Variants in TMEM74 observed in about 807,000 individuals in gnomAD.
The protein encoded by TMEM74 is transmembrane protein 74.
In TMEM74, 13 loss-of-function variants were observed where a neutral mutation model predicts 18.1. The observed-to-expected ratio is 0.72, with a 90% confidence interval of 0.47 to 1.14. The LOEUF (loss-of-function observed/expected upper bound fraction) is 1.14, where lower values mean the gene tolerates loss of function less well. Ranked by LOEUF, TMEM74 falls within the 50% of genes most tolerant of loss-of-function variation. The pLI is 0.00. For synonymous variants in TMEM74, 159 were observed against 146.6 expected (o/e 1.08, Z -0.61); for missense variants, 372 against 375.9 (o/e 0.99, Z 0.09).
intron 1 of TMEM74, among the ~76,000 whole-genome samples, chr8:108,679,765 G>C (rs1813093633): frequency 6.6e-6 from 1 of 152,100 alleles, no homozygotes; most frequent in Admixed American, 6.6e-5. Flanking sequence ...GATCCCATTT[G>C]TCAATTTTGG....
At chr8:108,663,159 TGC>T (rs1394885621) in intron 1 of TMEM74, among the ~76,000 whole-genome samples, 27 of 152,238 alleles carry the variant, frequency 1.8e-4, no homozygotes, top group Admixed American at 4.6e-4. Flanking sequence ...ACAGACAGCC[TGC>T]AGAGGAAGAG....
intron 1 of TMEM74, among the ~76,000 whole-genome samples, chr8:108,685,541 A>T (rs1405786759): frequency 3.3e-5 from 5 of 152,202 alleles, no homozygotes; most frequent in Non-Finnish European, 7.4e-5. Context: ...AAAAGGAAAA[A>T]CTTAGCAAAT....
chr8:108,764,894 C>T (rs1358451847), intron 1 of TMEM74, among the ~76,000 whole-genome samples: 6 of 152,172 alleles, frequency 3.9e-5, no homozygotes, highest in African/African-American at 1.4e-4. Context: ...TATGAACTCT[C>T]TGCCTCATTA....
At chr8:108,661,381 T>TC (rs1273022378) in intron 1 of TMEM74, among the ~76,000 whole-genome samples, 55 of 136,498 alleles carry the variant, frequency 4.0e-4, no homozygotes, top group Non-Finnish European at 7.6e-4. Flanking sequence ...TGCAGCTCTT[T>TC]TTTTTTTTTT....
At chr8:108,634,058 C>A (rs922230368) in intron 2 of TMEM74, among the ~76,000 whole-genome samples, 1 of 151,800 alleles carries the variant, frequency 6.6e-6, no homozygotes, top group Admixed American at 6.6e-5. Flanking sequence ...CAAAAGTTAC[C>A]GGCAAACTGA....
intron 1 of TMEM74, among the ~76,000 whole-genome samples, chr8:108,786,917 C>CCGCTTGTT (rs1325727360): frequency 6.6e-6 from 1 of 152,172 alleles, no homozygotes; most frequent in Non-Finnish European, 1.5e-5. Flanking sequence ...AAAGCTACTC[C>CCGCTTGTT]CGCTTGTTCG....
chr8:108,694,043 G>A (rs561996859), intron 1 of TMEM74, among the ~76,000 whole-genome samples: 1 of 152,330 alleles, frequency 6.6e-6, no homozygotes, highest in South Asian at 2.1e-4. Context: ...TGAGGTACAA[G>A]TGCAATTTTG....
chr8:108,712,116 G>A lies in TMEM74; in HGVS notation n.120-56679C>T, dbSNP rs914460498. On this transcript the variant is annotated intron_variant and non_coding_transcript_variant, in intron 1 of 3. Transcript: ENST00000518838. ...TACTCAATCAGAAGCTCTGAGGGAT[G>A]GGGCTTGCAATGTGTGTTTTAAGAA... Among the ~76,000 whole-genome samples the A allele has an allele frequency of 2.0e-5, 3 of 152,240 alleles. 1 individual carries two copies. In the South Asian group the frequency reaches 6.2e-4, roughly 32 times the overall value.
At chr8:108,636,828 C>A (rs1014504995) in intron 2 of TMEM74, among the ~76,000 whole-genome samples, 3 of 146,044 alleles carry the variant, frequency 2.1e-5, no homozygotes, top group African/African-American at 8.4e-5. Flanking sequence ...TTCTGGGCAT[C>A]CAGATCTCTT....
intron 1 of TMEM74, among the ~76,000 whole-genome samples, chr8:108,700,510 C>T (rs1185543031): frequency 6.6e-6 from 1 of 151,948 alleles, no homozygotes; most frequent in Non-Finnish European, 1.5e-5. Flanking sequence ...GATGGTGTTC[C>T]TAATAATGGT....
intron 1 of TMEM74, among the ~76,000 whole-genome samples, chr8:108,704,442 T>C (rs1223054439): frequency 1.3e-5 from 2 of 152,236 alleles, no homozygotes; most frequent in African/African-American, 4.8e-5. Context: ...TGCACTTGTG[T>C]GTCTTCTAAC....
intron 1 of TMEM74, among the ~76,000 whole-genome samples, chr8:108,748,315 G>A (rs935940613): frequency 6.6e-6 from 1 of 152,176 alleles, no homozygotes; most frequent in African/African-American, 2.4e-5. Flanking sequence ...CCAATAGTCA[G>A]TGATGTTGAG....
chr8:108,707,160 G>A (rs1813423832), intron 1 of TMEM74, among the ~76,000 whole-genome samples: 1 of 94,748 alleles, frequency 1.1e-5, no homozygotes, highest in South Asian at 3.8e-4. Context: ...ACAGGGCGGG[G>A]AACATCACAC....
At chr8:108,666,010 T>C (rs1323765259) in intron 1 of TMEM74, among the ~76,000 whole-genome samples, 1 of 152,132 alleles carries the variant, frequency 6.6e-6, no homozygotes, top group East Asian at 1.9e-4. Flanking sequence ...TTTTTAAAAG[T>C]TTGTTTTTAT....
At chr8:108,674,986 A>G (rs1314391611) in intron 1 of TMEM74, among the ~76,000 whole-genome samples, 2 of 152,196 alleles carry the variant, frequency 1.3e-5, no homozygotes, top group African/African-American at 4.8e-5. Flanking sequence ...CTCAGTTGTG[A>G]AAAGTGGCAG....
chr8:108,636,544 C>T (rs1305007674), intron 2 of TMEM74, among the ~76,000 whole-genome samples: 3 of 151,964 alleles, frequency 2.0e-5, no homozygotes, highest in Admixed American at 1.3e-4. Flanking sequence ...ATGACTTTCC[C>T]TGAGGAACAA....
At chr8:108,640,682 C>G (rs1391291232) in intron 2 of TMEM74, among the ~76,000 whole-genome samples, 4 of 151,946 alleles carry the variant, frequency 2.6e-5, no homozygotes, top group Non-Finnish European at 5.9e-5. Flanking sequence ...TTTATATAGT[C>G]AACCTATGCA....
At chr8:108,657,847 A>ATAT in intron 1 of TMEM74, among the ~76,000 whole-genome samples, 1 of 29,576 alleles carries the variant, frequency 3.4e-5, no homozygotes, top group Non-Finnish European at 6.3e-5. Context: ...CGTCTCAAAA[A>ATAT]AAAAAAAAAA....
chr8:108,707,265 C>A (rs554071757), intron 1 of TMEM74, among the ~76,000 whole-genome samples: 1 of 151,764 alleles, frequency 6.6e-6, no homozygotes, highest in Non-Finnish European at 1.5e-5. Flanking sequence ...AGCAAACCAA[C>A]ATGGCACATG....
Sources: allele counts gnomAD v4.1 joint callset (sites outside exome capture counted in the v4.1 genomes callset), GRCh38; gene constraint gnomAD v4.1.1; transcripts MANE v1.5; gene names NCBI Gene and HGNC (gene_info 2026-07-23, HGNC 2026-07-21).